Variants in AQR observed in about 807,000 individuals in gnomAD.
AQR encodes the protein aquarius intron-binding spliceosomal factor, also known as RNA helicase aquarius.
A neutral mutation model predicts 180.5 loss-of-function variants in AQR; 61 were observed. The observed-to-expected ratio is 0.34, with a 90% CI of 0.28 to 0.42. The LOEUF is 0.42. AQR is among the 10% of genes least tolerant of loss of function. The pLI is 1.00. For synonymous variants in AQR, 551 were observed against 588.8 expected, an observed-to-expected ratio of 0.94 and a Z score of 0.93; for missense variants, 1,281 against 1,798.3, an observed-to-expected ratio of 0.71 and a Z score of 5.20.
At chr15:34,898,677 G>C (rs1893283889) in intron 20 of AQR, among the ~76,000 whole-genome samples, 1 of 152,120 alleles carries the variant, frequency 6.6e-6, no homozygotes, top group African/African-American at 2.4e-5. Flanking sequence ...GAGGTCAGGA[G>C]ATCGAGACCA....
At chr15:34,895,241 T>C (rs1893227067) in intron 22 of AQR, among the ~76,000 whole-genome samples, 1 of 70,814 alleles carries the variant, frequency 1.4e-5, no homozygotes, top group African/African-American at 5.2e-5. Context: ...AAAAACATAA[T>C]ACTCAAAACT....
At chr15:34,910,764 G>A (rs748016610) in intron 16 of AQR, among the ~76,000 whole-genome samples, 2 of 152,176 alleles carry the variant, frequency 1.3e-5, no homozygotes, top group Admixed American at 1.3e-4. Flanking sequence ...TATACACTGT[G>A]ATATCATTAC....
In AQR at chr15:34,853,234, G is replaced by A. The variant is rs367910173; in HGVS notation, c.*3558C>T. 7 of 149,080 alleles carry A rather than the reference G, an allele frequency of 4.7e-5. No homozygotes were observed. In the East Asian group the frequency reaches 1.2e-3, roughly 25 times the overall value. The allele number at this position is 149,080 out of a possible 1,614,324, so 9.2% of individuals were successfully genotyped here. A position where few individuals can be genotyped will look rare whatever the true frequency, so the allele number is the denominator to read the frequency against. On this transcript the variant is annotated 3_prime_UTR_variant, in exon 35 of 35. Transcript: ENST00000156471. ...CACTGCTCTTCTGGCTTATGCAAAAGGGTCACTGTTTTTTTTTTTTTTTTA... is the reference window on the plus strand; with the variant it reads ...CACTGCTCTTCTGGCTTATGCAAAAAGGTCACTGTTTTTTTTTTTTTTTTA...
chr15:34,887,442 G>T (rs1376784), intron 24 of AQR, among the ~76,000 whole-genome samples: 93,780 of 152,038 alleles, frequency 0.62, 31,332 homozygotes, highest in South Asian at 0.75. Context: ...AAATGTTTTT[G>T]ATTATCTCTG....
At chr15:34,870,701 C>T (rs1409178092) in intron 31 of AQR, 51 bp downstream of exon 31, 2 of 1,521,006 alleles carry the variant, frequency 1.3e-6, no homozygotes, top group Non-Finnish European at 1.8e-6. Flanking sequence ...ATAAACCTTT[C>T]CATCTTGCCA....
intron 8 of AQR, among the ~76,000 whole-genome samples, chr15:34,940,593 A>T (rs1199699934): frequency 6.6e-6 from 1 of 152,168 alleles, no homozygotes; most frequent in African/African-American, 2.4e-5. Context: ...AATAGCCTGA[A>T]GATAGTGGAG....
chr15:34,920,273 G>T, intron 14 of AQR, 59 bp downstream of exon 14: 1 of 1,246,030 alleles, frequency 8.0e-7, no homozygotes, highest in Non-Finnish European at 1.1e-6. Context: ...ACATCTTTAA[G>T]AATGACTTTA....
intron 30 of AQR, among the ~76,000 whole-genome samples, chr15:34,872,717 A>C (rs989291789): frequency 2.0e-5 from 3 of 152,154 alleles, no homozygotes; most frequent in Non-Finnish European, 4.4e-5. Flanking sequence ...ATTTGGAGGG[A>C]CAATAAGATC....
At chr15:34,898,591 A>T (rs147768055) in intron 20 of AQR, among the ~76,000 whole-genome samples, 17 of 152,330 alleles carry the variant, frequency 1.1e-4, no homozygotes, top group African/African-American at 3.8e-4. Flanking sequence ...TGGCACATGA[A>T]AAAACTATCC....
At chr15:34,873,746 C>A in intron 30 of AQR, 82 bp downstream of exon 30, 1 of 1,257,212 alleles carries the variant, frequency 8.0e-7, no homozygotes, top group Non-Finnish European at 1.1e-6. Flanking sequence ...TCTCAACGGC[C>A]AAATGGTTAA....
rs1892983456 is a variant in AQR at position 34,882,368 on chromosome 15, T to C, written c.3165+134A>G. The C allele has an allele frequency of 3.0e-6, 3 of 991,730 alleles. No individual in the cohort carries two copies. The South Asian group carries it at 9.8e-5, about 33-fold the overall frequency. 61.4% of individuals were successfully genotyped at this position (991,730 alleles called of 1,614,324 possible). ...AATTAGATTCAGAGTTCACTAATCATGTAAACAAGGGATATTATCATCCAC... is the reference window on the plus strand; with the variant it reads ...AATTAGATTCAGAGTTCACTAATCACGTAAACAAGGGATATTATCATCCAC... On this transcript the variant is annotated intron_variant, in intron 27 of 34. Coordinates refer to ENST00000156471, the MANE Select transcript of AQR (RefSeq NM_014691.3).
intron 6 of AQR, among the ~76,000 whole-genome samples, chr15:34,942,685 A>G (rs1325673442): frequency 6.6e-6 from 1 of 152,230 alleles, no homozygotes; most frequent in Non-Finnish European, 1.5e-5. Flanking sequence ...ATAATATACA[A>G]TAAATAAGCT....
intron 13 of AQR, 50 bp from the exon 14 acceptor site, chr15:34,920,484 C>A: frequency 1.5e-6 from 2 of 1,349,758 alleles, no homozygotes; most frequent in South Asian, 2.6e-5. Context: ...CTTCACTTCA[C>A]TTTTGAAACA....
intron 7 of AQR, among the ~76,000 whole-genome samples, chr15:34,941,659 T>C (rs1894024411): frequency 6.6e-6 from 1 of 152,160 alleles, no homozygotes; most frequent in African/African-American, 2.4e-5. Flanking sequence ...AAGTCATTAA[T>C]ATTAGGTATG....
At chr15:34,950,089 T>A (rs1894199235) in intron 4 of AQR, among the ~76,000 whole-genome samples, 1 of 124,442 alleles carries the variant, frequency 8.0e-6, no homozygotes, top group Non-Finnish European at 1.7e-5. Flanking sequence ...TTTTCCTTTT[T>A]TTTTTTTTTT....
At chr15:34,911,963 G>A (rs1432647387) in intron 16 of AQR, among the ~76,000 whole-genome samples, 4 of 152,068 alleles carry the variant, frequency 2.6e-5, no homozygotes, top group East Asian at 1.9e-4. Flanking sequence ...GTTAACTTTT[G>A]TGTATCATGT....
At chr15:34,876,769 T>C (rs907642054) in intron 27 of AQR, among the ~76,000 whole-genome samples, 2 of 152,216 alleles carry the variant, frequency 1.3e-5, no homozygotes, top group Non-Finnish European at 2.9e-5. Context: ...TTGTACTTTA[T>C]CTTTCTCCTT....
chr15:34,897,001 T>A, intron 21 of AQR, 35 bp from the exon 22 acceptor site: 1 of 1,510,058 alleles, frequency 6.6e-7, no homozygotes, highest in South Asian at 1.1e-5. Context: ...TTGGTACAGA[T>A]AAATGATGCT....
chr15:34,960,202 T>G (rs2050266186), intron 3 of AQR, among the ~76,000 whole-genome samples: 1 of 152,158 alleles, frequency 6.6e-6, no homozygotes, highest in South Asian at 2.1e-4. Context: ...AAAAGAAGCA[T>G]GATGAAAAAT....
Sources: allele counts gnomAD v4.1 joint callset (sites outside exome capture counted in the v4.1 genomes callset), GRCh38; gene constraint gnomAD v4.1.1; transcripts MANE v1.5; gene names NCBI Gene and HGNC (gene_info 2026-07-23, HGNC 2026-07-21).